NFYC: variants seen among roughly 807,000 people sequenced by gnomAD.
NFYC encodes nuclear transcription factor Y subunit gamma.
In NFYC, 25 loss-of-function variants were observed where a neutral mutation model predicts 53.1. The observed-to-expected ratio is 0.47, with a 90% CI of 0.34 to 0.66. The LOEUF is 0.66. Among genes scored for constraint, NFYC ranks in the 30% least tolerant of loss-of-function variants. NFYC has a pLI of 0.01. For synonymous variants in NFYC, 145 were observed against 152.6 expected, an observed-to-expected ratio of 0.95 and a Z score of 0.37; for missense variants, 260 against 422.7, an observed-to-expected ratio of 0.62 and a Z score of 3.38.
At chr1:40,697,016 A>C (rs1570278505) in intron 1 of NFYC, among the ~76,000 whole-genome samples, 1 of 152,200 alleles carries the variant, frequency 6.6e-6, no homozygotes, top group Non-Finnish European at 1.5e-5. Context: ...AGAGGACAGT[A>C]TTAGTTGCTG....
intron 8 of NFYC, 38 bp from the exon 9 acceptor site, chr1:40,769,318 C>A: frequency 6.2e-7 from 1 of 1,602,570 alleles, no homozygotes; most frequent in Non-Finnish European, 8.5e-7. Context: ...TCAGACCCTG[C>A]AGCTGACATA....
chr1:40,748,899 A>T (rs1181055325), intron 3 of NFYC, among the ~76,000 whole-genome samples: 1 of 152,198 alleles, frequency 6.6e-6, no homozygotes, highest in Non-Finnish European at 1.5e-5. Flanking sequence ...GAGTGATAGG[A>T]CCAAGATCCC....
chr1:40,768,032 G>C (rs1473418464), intron 8 of NFYC, among the ~76,000 whole-genome samples: 1 of 152,160 alleles, frequency 6.6e-6, no homozygotes, highest in Non-Finnish European at 1.5e-5. Flanking sequence ...CCAAAAAATG[G>C]GAGAGGCTGG....
intron 7 of NFYC, chr1:40,763,500 C>T (rs756675617): frequency 2.4e-6 from 1 of 422,490 alleles, no homozygotes; most frequent in South Asian, 1.7e-5. Context: ...GCACGTGCCA[C>T]TATGCCCGGC....
Position 40,771,018 on chromosome 1 carries a change from T to G in NFYC, c.*190T>G. 1.6e-6 allele frequency: 1 copy of G among 612,920 alleles called. No homozygotes were observed. 38.0% of individuals were successfully genotyped at this position (612,920 alleles called of 1,614,324 possible). On this transcript the variant is annotated 3_prime_UTR_variant, in exon 10 of 10. Transcript: ENST00000447388. The stretch of plus-strand genomic sequence containing the variant: ...GCAGAAAGATGCAATATTTTTTGTT[T>G]CCTTTTTTTCCATTTTTTTCTCTAA...
chr1:40,726,340 A>T (rs1264614944), intron 1 of NFYC, among the ~76,000 whole-genome samples: 1 of 149,978 alleles, frequency 6.7e-6, no homozygotes, highest in African/African-American at 2.5e-5. Context: ...CTGGTTTCGA[A>T]CTCCTGACCT....
intron 1 of NFYC, among the ~76,000 whole-genome samples, chr1:40,722,096 G>A (rs879266421): frequency 1.3e-5 from 2 of 152,082 alleles, no homozygotes; most frequent in Non-Finnish European, 2.9e-5. Flanking sequence ...GTGTGGACCC[G>A]GGAGGCGAAG....
In NFYC at chr1:40,766,641, C is replaced by G. The variant is rs747239728; in HGVS notation, c.766C>G (p.Pro256Ala). The change falls in exon 8 of 10, where the codon CCT becomes GCT. Residue 256 changes from proline (P) to alanine (A), a missense_variant. Coordinates refer to ENST00000447388, the MANE Select transcript of NFYC (RefSeq NM_014223.5). ...GCTGCAGTATATCCGCTTAGCCCAG[C>G]CTGTATCAGGCACTCAAGTTGTGCA... ...GQLQYIRLAQ[P>A]VSGTQVVQGQ... The G allele has an allele frequency of 6.2e-6, 10 of 1,614,166 alleles. No individual in the cohort carries two copies. The Admixed American group carries it at 1.7e-4, about 27-fold the overall frequency.
rs996221775 is a variant in NFYC at position 40,721,908 on chromosome 1, T to C, written c.-8-16928T>C. The stretch of plus-strand genomic sequence containing the variant: ...ATTGAAGGCCGGGCGCGGTGGCTCA[T>C]GCCTGTAATCCCAGCACTTTGGGAG... On this transcript the variant is annotated intron_variant, in intron 1 of 9. Coordinates refer to ENST00000447388, the MANE Select transcript of NFYC (RefSeq NM_014223.5). 8.6e-5 allele frequency among the ~76,000 whole-genome samples: 13 copies of C among 152,034 alleles called. No individual in the cohort carries two copies. The East Asian group carries it at 1.8e-3, about 21-fold the overall frequency.
chr1:40,757,451 C>T (rs1646288904), intron 5 of NFYC: 1 of 463,124 alleles, frequency 2.2e-6, no homozygotes, highest in Non-Finnish European at 4.6e-6. Context: ...CAAGGCAGTA[C>T]CCCAGCGGAG....
At chr1:40,712,473 A>G (rs971167947) in intron 1 of NFYC, 9 of 152,144 alleles carry the variant, frequency 5.9e-5, no homozygotes, top group African/African-American at 1.9e-4. Flanking sequence ...AATGCAGGTA[A>G]GTTGTAATGG....
chr1:40,764,950 C>A (rs1183187086), intron 7 of NFYC, among the ~76,000 whole-genome samples: 2 of 152,164 alleles, frequency 1.3e-5, no homozygotes. Flanking sequence ...GCAAAGAGCT[C>A]TTCCCAGCTA....
Position 40,770,691 on chromosome 1 carries a change from C to T in NFYC, c.889-18C>T. 1 of 1,614,154 alleles carries T rather than the reference C, an allele frequency of 6.2e-7. No homozygotes were observed. Among genetic ancestry groups the T allele is most frequent in the South Asian group, 1.1e-5 (1 of 91,082 alleles). On this transcript the variant is annotated intron_variant, in intron 9 of 9. Transcript: ENST00000447388. This position sits in a 1 kb window ranked among gnomAD's most constrained non-coding sequence, Gnocchi z 5.3. ...TCTCCCAGGGATGACCTCACTCTCT[C>T]CTCTCCACCCCTCGCAGCAGCTCTA...
intron 2 of NFYC, among the ~76,000 whole-genome samples, chr1:40,745,181 A>G (rs529082231): frequency 6.6e-6 from 1 of 152,162 alleles, no homozygotes; most frequent in South Asian, 2.1e-4. Flanking sequence ...AAGGAGTAAT[A>G]GTTTACTCTT....
intron 7 of NFYC, chr1:40,763,326 A>G (rs1163521932): frequency 6.0e-5 from 28 of 468,788 alleles, no homozygotes; most frequent in Non-Finnish European, 8.4e-6. Context: ...ATAGAGATAT[A>G]TATCACACGC....
intron 1 of NFYC, among the ~76,000 whole-genome samples, chr1:40,707,793 C>T (rs1358464310): frequency 2.0e-5 from 3 of 148,592 alleles, no homozygotes; most frequent in Admixed American, 6.7e-5. Context: ...AAGCCGAGAT[C>T]GTGCCTCTAC....
rs184326560 is a variant in NFYC, at chr1:40,722,218, G to A, written c.-8-16618G>A. On this transcript the variant is annotated intron_variant, in intron 1 of 9. Coordinates refer to ENST00000447388, the MANE Select transcript of NFYC (RefSeq NM_014223.5). ...ATTAATTTAAAAAAAGAATTTAAAT[G>A]TTTTTGGATTAGTGTGGAGAGAAAA... is the stretch of plus-strand genomic sequence containing the variant. Among the ~76,000 whole-genome samples the A allele has an allele frequency of 5.6e-4, 85 of 152,096 alleles. No individual in the cohort carries two copies. In the East Asian group the frequency reaches 0.016, roughly 29 times the overall value.
chr1:40,736,658 A>T (rs1209445019), intron 1 of NFYC, among the ~76,000 whole-genome samples: 1 of 152,126 alleles, frequency 6.6e-6, no homozygotes, highest in Non-Finnish European at 1.5e-5. Context: ...TTGCCAGATA[A>T]GCGCTTAAGA....
chr1:40,700,300 C>G (rs1643370615), intron 1 of NFYC, among the ~76,000 whole-genome samples: 1 of 152,100 alleles, frequency 6.6e-6, no homozygotes, highest in Non-Finnish European at 1.5e-5. Context: ...TTATTAACCA[C>G]TGGGTCTTAG....
Sources: gnomAD v4.1 joint callset for allele counts (sites outside exome capture counted in the v4.1 genomes callset) on GRCh38, gnomAD v4.1.1 for gene constraint, Gnocchi (gnomAD v3.1) non-coding constraint, MANE v1.5 for transcripts, NCBI Gene and HGNC (gene_info 2026-07-23, HGNC 2026-07-21) for gene names.